KCNMA1: variants seen among roughly 807,000 people sequenced by gnomAD.
KCNMA1 encodes Calcium-activated potassium channel subunit alpha-1.
In KCNMA1, 29 loss-of-function variants were observed where a neutral mutation model predicts 140.0. That is an observed-to-expected ratio of 0.21 (90% CI 0.15 to 0.28). KCNMA1 has a LOEUF of 0.28. KCNMA1 is among the 10% of genes least tolerant of loss of function. The pLI, the probability that KCNMA1 is intolerant of heterozygous loss-of-function variation, is 1.00. For synonymous variants in KCNMA1, 612 were observed against 611.9 expected, an observed-to-expected ratio of 1.00 and a Z score of 0.00; for missense variants, 880 against 1,602.2, an observed-to-expected ratio of 0.55 and a Z score of 7.70.
intron 1 of KCNMA1, among the ~76,000 whole-genome samples, chr10:77,419,725 G>T (rs773397410): frequency 2.0e-5 from 3 of 152,126 alleles, no homozygotes; most frequent in Non-Finnish European, 4.4e-5. Flanking sequence ...TGGGCAAACT[G>T]CTCTTCAGGG....
intron 1 of KCNMA1, among the ~76,000 whole-genome samples, chr10:77,562,776 A>C (rs990952479): frequency 6.6e-6 from 1 of 152,186 alleles, no homozygotes; most frequent in Non-Finnish European, 1.5e-5. Context: ...GCCTATTCCA[A>C]TTAGTTGCTT....
At chr10:77,186,572 G>A (rs2098856072) in intron 3 of KCNMA1, among the ~76,000 whole-genome samples, 1 of 152,072 alleles carries the variant, frequency 6.6e-6, no homozygotes, top group Admixed American at 6.6e-5. Context: ...AGGCTACAGT[G>A]AATCGGTGAT....
chr10:77,273,646 A>G (rs2065814925), intron 2 of KCNMA1, among the ~76,000 whole-genome samples: 1 of 152,242 alleles, frequency 6.6e-6, no homozygotes, highest in Admixed American at 6.5e-5. Flanking sequence ...AGAAGAGATA[A>G]CTGGTGAGCA....
chr10:77,298,283 C>T (rs1337283396), intron 2 of KCNMA1, among the ~76,000 whole-genome samples: 1 of 152,142 alleles, frequency 6.6e-6, no homozygotes, highest in Non-Finnish European at 1.5e-5. Context: ...ACTCTCAACG[C>T]CCAGGCTGGA....
At chr10:77,002,442 G>A (rs2086789131) in intron 18 of KCNMA1, among the ~76,000 whole-genome samples, 1 of 152,200 alleles carries the variant, frequency 6.6e-6, no homozygotes, top group Non-Finnish European at 1.5e-5. Flanking sequence ...AATTCAGGAA[G>A]CAATCAGGCT....
chr10:77,244,342 G>A (rs1232986217), intron 3 of KCNMA1, among the ~76,000 whole-genome samples: 1 of 152,150 alleles, frequency 6.6e-6, no homozygotes, highest in African/African-American at 2.4e-5. Flanking sequence ...AGACCTGAAA[G>A]GTTCAGCTCA....
chr10:77,557,672 A>T (rs1348325045), intron 1 of KCNMA1, among the ~76,000 whole-genome samples: 1 of 130,522 alleles, frequency 7.7e-6, no homozygotes, highest in Admixed American at 8.2e-5. Flanking sequence ...TTTTGCATGG[A>T]ATTTCGTTCT....
At chr10:77,284,608 G>A (rs1423898202) in intron 2 of KCNMA1, among the ~76,000 whole-genome samples, 1 of 151,998 alleles carries the variant, frequency 6.6e-6, no homozygotes, top group African/African-American at 2.4e-5. Context: ...CCACCTCCCA[G>A]GTTCAAGCGA....
chr10:77,509,749 T>C (rs1400994956), intron 1 of KCNMA1, among the ~76,000 whole-genome samples: 1 of 152,174 alleles, frequency 6.6e-6, no homozygotes, highest in Non-Finnish European at 1.5e-5. Context: ...AAGCATGTGG[T>C]ATGTTTATAA....
chr10:76,999,274 G>A (rs1244633433), intron 19 of KCNMA1, among the ~76,000 whole-genome samples: 1 of 152,238 alleles, frequency 6.6e-6, no homozygotes, highest in African/African-American at 2.4e-5. Context: ...CTACATGGGG[G>A]ACACAGAGTG....
At chr10:77,451,859 G>A (rs1395672675) in intron 1 of KCNMA1, among the ~76,000 whole-genome samples, 3 of 152,120 alleles carry the variant, frequency 2.0e-5, no homozygotes, top group Non-Finnish European at 2.9e-5. Flanking sequence ...TTTGTGGAGA[G>A]TCACAAAACA....
chr10:77,312,367 C>G (rs547395438), intron 2 of KCNMA1, among the ~76,000 whole-genome samples: 5 of 152,134 alleles, frequency 3.3e-5, no homozygotes, highest in Non-Finnish European at 5.9e-5. Context: ...GGCTCATGCC[C>G]GTAATCCCAG....
intron 15 of KCNMA1, among the ~76,000 whole-genome samples, chr10:77,033,374 T>G (rs1739448839): frequency 6.6e-6 from 1 of 151,732 alleles, no homozygotes; most frequent in Non-Finnish European, 1.5e-5. Context: ...TTGATAGGAG[T>G]GGAGTGGGAA....
At chr10:77,310,788 G>T (rs1350673813) in intron 2 of KCNMA1, among the ~76,000 whole-genome samples, 2 of 152,196 alleles carry the variant, frequency 1.3e-5, no homozygotes, top group Admixed American at 6.5e-5. Flanking sequence ...AATAGGCCCA[G>T]AGACAGAGGG....
intron 1 of KCNMA1, among the ~76,000 whole-genome samples, chr10:77,546,415 C>G (rs1355987763): frequency 6.6e-6 from 1 of 151,982 alleles, no homozygotes; most frequent in Admixed American, 6.6e-5. Context: ...GAACCACCAC[C>G]CAGCACAGAT....
chr10:77,245,933 T>A (rs905603756), intron 3 of KCNMA1, among the ~76,000 whole-genome samples: 3 of 152,102 alleles, frequency 2.0e-5, no homozygotes, highest in African/African-American at 7.2e-5. Context: ...TAGGAAGAAC[T>A]GAATCAAGGC....
chr10:77,169,315 GAA>G (rs2098677294), intron 5 of KCNMA1, among the ~76,000 whole-genome samples: 1 of 152,004 alleles, frequency 6.6e-6, no homozygotes, highest in African/African-American at 2.4e-5. Context: ...GGCTGGAGAA[GAA>G]GGCTAGGTGA....
At chr10:77,180,349 T>C (rs923824666) in intron 5 of KCNMA1, among the ~76,000 whole-genome samples, 3 of 152,234 alleles carry the variant, frequency 2.0e-5, no homozygotes, top group Non-Finnish European at 4.4e-5. Context: ...ACCCATGTAT[T>C]AAGTCAGATG....
At chr10:77,363,028 C>T (rs1285284271) in intron 2 of KCNMA1, among the ~76,000 whole-genome samples, 1 of 152,208 alleles carries the variant, frequency 6.6e-6, no homozygotes, top group African/African-American at 2.4e-5. Context: ...GAGCCAAGAT[C>T]GTTAGCCCTC....
Sources: allele counts gnomAD v4.1 joint callset (sites outside exome capture counted in the v4.1 genomes callset), GRCh38; gene constraint gnomAD v4.1.1; transcripts MANE v1.5; gene names NCBI Gene and HGNC (gene_info 2026-07-23, HGNC 2026-07-21).